The following ABCB11 variants were observed in gnomAD, a reference collection of about 807,000 sequenced individuals.
ABCB11 encodes bile salt export pump.
Under a neutral mutation model 148.0 loss-of-function variants are expected in ABCB11, and 95 were observed. That is an observed-to-expected ratio of 0.64 (90% CI 0.54 to 0.76). The LOEUF (loss-of-function observed/expected upper bound fraction) is 0.76. ABCB11 is among the 30% of genes least tolerant of loss of function. The pLI is 0.00. For synonymous variants in ABCB11, 591 were observed against 555.4 expected, an observed-to-expected ratio of 1.06 and a Z score of -0.90; for missense variants, 1,523 against 1,617.8, an observed-to-expected ratio of 0.94 and a Z score of 1.01.
intron 11 of ABCB11, among the ~76,000 whole-genome samples, chr2:168,978,393 C>T (rs1339137767): frequency 6.6e-6 from 1 of 152,004 alleles, no homozygotes; most frequent in Non-Finnish European, 1.5e-5. Context: ...GACTTGGCCT[C>T]CCAAAGTGCT....
chr2:168,983,703 T>G (rs928076346), intron 10 of ABCB11, among the ~76,000 whole-genome samples: 2 of 152,130 alleles, frequency 1.3e-5, no homozygotes, highest in African/African-American at 4.8e-5. Context: ...AAAATCCTAC[T>G]CAATTTTCCC....
chr2:168,970,626 G>T, intron 14 of ABCB11: 1 of 311,138 alleles, frequency 3.2e-6, no homozygotes, highest in South Asian at 2.8e-5. Context: ...TGAATAAAAG[G>T]TCAAACTAGC....
chr2:168,970,405 G>A (rs1466742741), intron 14 of ABCB11, 190 bp from the exon 15 acceptor site: 3 of 1,444,096 alleles, frequency 2.1e-6, no homozygotes, highest in Non-Finnish European at 2.8e-6. Flanking sequence ...GTGAAATAAA[G>A]GAATTGATTT....
intron 5 of ABCB11, among the ~76,000 whole-genome samples, chr2:168,998,824 GGT>G (rs528498423): frequency 3.4e-4 from 51 of 151,976 alleles, no homozygotes; most frequent in Non-Finnish European, 6.5e-4. Flanking sequence ...TCACTCCTGC[GGT>G]GTCTCTGAAA....
chr2:168,961,543 C>G (rs1426829632), intron 18 of ABCB11, among the ~76,000 whole-genome samples: 1 of 151,684 alleles, frequency 6.6e-6, no homozygotes, highest in Admixed American at 6.6e-5. Flanking sequence ...TGATCTCATA[C>G]ATGTTCTGCC....
intron 23 of ABCB11, 71 bp from the exon 24 acceptor site, chr2:168,932,604 T>G: frequency 6.4e-7 from 1 of 1,559,394 alleles, no homozygotes; most frequent in Non-Finnish European, 8.7e-7. Context: ...AGGCAGAAGT[T>G]TGGGGATCTA....
chr2:168,924,781 G>A lies in ABCB11; in HGVS notation c.3641C>T (p.Ser1214Phe). The change falls in exon 27 of 28, where the codon TCC becomes TTC. Residue 1214 changes from serine (S) to phenylalanine (F), a missense_variant. Coordinates refer to ENST00000650372, the MANE Select transcript of ABCB11 (RefSeq NM_003742.4). ...LPEKYETNVG[S>F]QGSQLSRGEK... is the part of the protein sequence containing the mutation. The stretch of plus-strand genomic sequence containing the variant: ...CCCTCTAGAGAGTTGAGACCCCTGG[G>A]ACCCAACGTTAGTTTCATATTTCTG... 6.2e-7 allele frequency: 1 copy of A among 1,611,082 alleles called. No individual in the cohort carries two copies. Among genetic ancestry groups the A allele is most frequent in the Non-Finnish European group, 8.5e-7 (1 of 1,178,920 alleles).
At chr2:169,009,103 T>C (rs1695102143) in intron 5 of ABCB11, among the ~76,000 whole-genome samples, 1 of 152,118 alleles carries the variant, frequency 6.6e-6, no homozygotes, top group African/African-American at 2.4e-5. Flanking sequence ...TAGTGTTGCC[T>C]AGGGATAGGG....
At position 168,944,737 on chromosome 2, in the gene ABCB11, G is replaced by C. The variant is rs762069217; in HGVS notation, c.2478C>G (p.Leu826=). The C allele has an allele frequency of 1.9e-6, 3 of 1,612,594 alleles. No homozygotes were observed. The highest frequency in any genetic ancestry group is 1.7e-6 in the Non-Finnish European group (2 of 1,179,102). The change falls in exon 21 of 28, where the codon CTC becomes CTG. Residue 826 remains leucine (L), a synonymous_variant. Transcript: ENST00000650372. Reference sequence around the variant, plus strand: ...CAAATTTACGTAGCCTTTTTGTTAGGAGCTCCCCAGATTTAGCAAAGGCAT... The same window carrying C: ...CAAATTTACGTAGCCTTTTTGTTAGCAGCTCCCCAGATTTAGCAAAGGCAT... ...QGYAFAKSGE[L]LTKRLRKFGF...
rs568043473 is a variant in ABCB11, at chr2:169,013,957, A to G, written c.150+346T>C. Among the ~76,000 whole-genome samples, 3 of 152,312 alleles carry G rather than the reference A, an allele frequency of 2.0e-5. No homozygotes were observed. In the South Asian group the frequency reaches 6.2e-4, roughly 32 times the overall value. On this transcript the variant is annotated intron_variant, in intron 4 of 27. Coordinates refer to ENST00000650372, the MANE Select transcript of ABCB11 (RefSeq NM_003742.4). ...CTAGAAATGCCTCCATCCTGAGAAAATTTGGAGTAAACACCTATACTTTAA... is the reference window on the plus strand; with the variant it reads ...CTAGAAATGCCTCCATCCTGAGAAAGTTTGGAGTAAACACCTATACTTTAA...
At chr2:169,026,303 T>C (rs1695692415) in intron 1 of ABCB11, among the ~76,000 whole-genome samples, 1 of 152,216 alleles carries the variant, frequency 6.6e-6, no homozygotes, top group African/African-American at 2.4e-5. Context: ...GGTAGTCCAC[T>C]GTTCTTTTTT....
rs1043182223 is a variant in ABCB11, at chr2:168,944,765, C to T, written c.2450G>A (p.Gly817Glu). 1 of 1,611,996 alleles carries T rather than the reference C, an allele frequency of 6.2e-7. No homozygotes were observed. The highest frequency in any genetic ancestry group is 8.5e-7 in the Non-Finnish European group (1 of 1,178,958). The change falls in exon 21 of 28, where the codon GGA becomes GAA. Residue 817 changes from glycine to glutamate, a missense_variant and splice_region_variant. Coordinates refer to ENST00000650372, the MANE Select transcript of ABCB11 (RefSeq NM_003742.4). Reference sequence around the variant, plus strand: ...CTCCCCAGATTTAGCAAAGGCATATCCCTAAAACATGAAGAGGGAGATGTT... The same window carrying T: ...CTCCCCAGATTTAGCAAAGGCATATTCCTAAAACATGAAGAGGGAGATGTT... ...CVSLFTQFLQ[G>E]YAFAKSGELL...
chr2:168,964,592 G>C (rs752641568), intron 17 of ABCB11, among the ~76,000 whole-genome samples: 1 of 149,324 alleles, frequency 6.7e-6, no homozygotes, highest in Non-Finnish European at 1.5e-5. Context: ...TGTCCTACCA[G>C]TTCATCAAAA....
intron 6 of ABCB11, 37 bp downstream of exon 6, chr2:168,996,598 G>T (rs1694721315): frequency 1.6e-6 from 2 of 1,251,026 alleles, no homozygotes. Flanking sequence ...TTTGAGGTCA[G>T]ATATTGATCT....
Position 168,935,265 on chromosome 2 carries a change from A to T in ABCB11, c.2975T>A (p.Met992Lys). 1 of 1,614,002 alleles carries T rather than the reference A, an allele frequency of 6.2e-7. No homozygotes were observed. Among genetic ancestry groups the T allele is most frequent in the Non-Finnish European group, 8.5e-7 (1 of 1,179,892 alleles). The change falls in exon 23 of 28, where the codon ATG becomes AAG. Residue 992 changes from methionine to lysine, a missense_variant. Transcript: ENST00000650372. ...GFCFAFAQCI[M>K]FIANSASYRY... ...GTAGGAAGCAGAATTCGCAATAAAC[A>T]TGATGCACTGGGCAAAGGCAAAGCA... is the stretch of plus-strand genomic sequence containing the variant.
rs1362383000 is a variant in ABCB11, at chr2:168,971,908, T to G, written c.1577A>C (p.Glu526Ala). ...CTCCTTGGCAGCTTGGACTATGTCT[T>G]CCATTGTTGCATCTTCTCTGCCATA... ...IRYGREDATM[E>A]DIVQAAKEAN... The change falls in exon 14 of 28, where the codon GAA becomes GCA. Residue 526 changes from glutamate (E) to alanine (A), a missense_variant. Glu to Ala is a moderately radical substitution (Grantham distance 107). Coordinates refer to ENST00000650372, the MANE Select transcript of ABCB11 (RefSeq NM_003742.4). 2 of 1,613,084 alleles carry G rather than the reference T, an allele frequency of 1.2e-6. No individual in the cohort carries two copies. The highest frequency in any genetic ancestry group is 1.7e-6 in the Non-Finnish European group (2 of 1,179,444).
intron 26 of ABCB11, 146 bp downstream of exon 26, chr2:168,927,010 T>C: frequency 1.4e-6 from 1 of 701,808 alleles, no homozygotes; most frequent in Non-Finnish European, 2.4e-6. Flanking sequence ...ACCTGTGGAA[T>C]CATGTTGGCA....
intron 17 of ABCB11, 88 bp from the exon 18 acceptor site, chr2:168,964,396 C>G: frequency 9.5e-7 from 1 of 1,056,502 alleles, no homozygotes; most frequent in Admixed American, 2.1e-5. Context: ...TTTCATATGT[C>G]AAATAAATAG....
At chr2:168,938,007 T>C (rs1194883014) in intron 21 of ABCB11, among the ~76,000 whole-genome samples, 1 of 152,160 alleles carries the variant, frequency 6.6e-6, no homozygotes, top group Non-Finnish European at 1.5e-5. Context: ...ATCACTTCTT[T>C]TTAAAATTGT....
Sources: gnomAD v4.1 joint callset for allele counts (sites outside exome capture counted in the v4.1 genomes callset) on GRCh38, gnomAD v4.1.1 for gene constraint, MANE v1.5 for transcripts, NCBI Gene and HGNC (gene_info 2026-07-23, HGNC 2026-07-21) for gene names.